XRCC4: variants seen among roughly 807,000 people sequenced by gnomAD.
XRCC4 encodes the protein X-ray repair cross complementing 4, also known as DNA repair protein XRCC4.
A neutral mutation model predicts 39.1 loss-of-function variants in XRCC4; 28 were observed. The observed-to-expected ratio is 0.72, with a 90% CI of 0.53 to 0.98. The LOEUF (loss-of-function observed/expected upper bound fraction) is 0.98, where lower values mean the gene tolerates loss of function less well. XRCC4 is among the 50% of genes least tolerant of loss of function. The probability of loss-of-function intolerance (pLI) is 0.00; values close to 1 mark genes in which losing one functional copy is unlikely to be tolerated. For synonymous variants in XRCC4, 123 were observed against 126.4 expected (o/e 0.97, Z 0.18); for missense variants, 350 against 376.4 (o/e 0.93, Z 0.58).
chr5:83,353,174 T>C lies in XRCC4; in HGVS notation c.937T>C (p.Ser313Pro). 1 of 1,612,638 alleles carries C rather than the reference T, an allele frequency of 6.2e-7. No homozygotes were observed. The highest frequency in any genetic ancestry group is 8.5e-7 in the Non-Finnish European group (1 of 1,179,224). Reference sequence around the variant, plus strand: ...TGAGACGTCTAAAAAGGAGCACATCTCAGCTGAAAACATGTCTTTAGAAAC... The same window carrying C: ...TGAGACGTCTAAAAAGGAGCACATCCCAGCTGAAAACATGTCTTTAGAAAC... ...LPETSKKEHI[S>P]AENMSLETLR... Residue 313 changes from serine (S) to proline (P), a missense_variant, in exon 8 of 8, where the codon TCA becomes CCA. Transcript: ENST00000396027.
downstream of XRCC4, among the ~76,000 whole-genome samples, chr5:83,355,475 T>C (rs192364120): frequency 6.6e-6 from 1 of 152,198 alleles, no homozygotes; most frequent in African/African-American, 2.4e-5. Flanking sequence ...GTTTATCACA[T>C]AGTAGGCACT....
At position 83,258,398 on chromosome 5, in the gene XRCC4, C is replaced by T; in HGVS notation, c.746-132C>T. ...TAACTGACTTGATTCAACAAATCTGCATAAAGATTTGAAAGAATAGTTTTG... is the reference window on the plus strand; with the variant it reads ...TAACTGACTTGATTCAACAAATCTGTATAAAGATTTGAAAGAATAGTTTTG... On this transcript the variant is annotated intron_variant, in intron 6 of 7. Transcript: ENST00000396027. 6 of 1,097,806 alleles carry T rather than the reference C, an allele frequency of 5.5e-6. No homozygotes were observed. The South Asian group carries it at 9.0e-5, about 16-fold the overall frequency. The allele number at this position is 1,097,806 out of a possible 1,614,324, so 68.0% of individuals were successfully genotyped here.
At chr5:83,105,178 TCA>T in intron 2 of XRCC4, 120 bp downstream of exon 2, 1 of 954,938 alleles carries the variant, frequency 1.0e-6, no homozygotes, top group Non-Finnish European at 1.5e-6. Flanking sequence ...GCTATTGCTG[TCA>T]AATTTATACA....
At chr5:83,189,783 G>A (rs1410061370) in intron 3 of XRCC4, among the ~76,000 whole-genome samples, 1 of 152,116 alleles carries the variant, frequency 6.6e-6, no homozygotes, top group Non-Finnish European at 1.5e-5. Flanking sequence ...AAACATTTCA[G>A]GCCAGACTCA....
intron 3 of XRCC4, among the ~76,000 whole-genome samples, chr5:83,153,506 C>T (rs555143925): frequency 5.9e-5 from 9 of 152,134 alleles, no homozygotes; most frequent in Non-Finnish European, 1.3e-4. Context: ...GTGCACAAGA[C>T]ATGAACAGCC....
chr5:83,320,019 A>G (rs1208085868), intron 7 of XRCC4, among the ~76,000 whole-genome samples: 1 of 150,892 alleles, frequency 6.6e-6, no homozygotes, highest in Non-Finnish European at 1.5e-5. Context: ...ATGGAATACT[A>G]TGCAGCCATA....
At chr5:83,240,046 C>T (rs1188752507) in intron 6 of XRCC4, among the ~76,000 whole-genome samples, 1 of 151,832 alleles carries the variant, frequency 6.6e-6, no homozygotes, top group African/African-American at 2.4e-5. Context: ...TGGTAGCATG[C>T]ACCTGTAGTA....
intron 3 of XRCC4, among the ~76,000 whole-genome samples, chr5:83,133,950 A>C (rs76848573): frequency 0.015 from 2,214 of 152,188 alleles, 62 homozygotes; most frequent in African/African-American, 0.051. Flanking sequence ...CAGTGTGAAG[A>C]GAGAGGCGCT....
intron 6 of XRCC4, among the ~76,000 whole-genome samples, chr5:83,224,268 C>A (rs1310245062): frequency 6.6e-6 from 1 of 151,526 alleles, no homozygotes; most frequent in Admixed American, 6.6e-5. Context: ...TTTTCTGTTT[C>A]TCTTTTGTAT....
intron 3 of XRCC4, among the ~76,000 whole-genome samples, chr5:83,190,387 C>G (rs895368801): frequency 6.6e-6 from 1 of 152,082 alleles, no homozygotes; most frequent in Admixed American, 6.5e-5. Flanking sequence ...ATACATATAT[C>G]TTGATACAGC....
chr5:83,145,306 T>C lies in XRCC4; in HGVS notation c.315+34103T>C, dbSNP rs1748400371. 3.9e-5 allele frequency among the ~76,000 whole-genome samples: 6 copies of C among 152,354 alleles called. No individual in the cohort carries two copies. The South Asian group carries it at 1.2e-3, about 32-fold the overall frequency. On this transcript the variant is annotated intron_variant, in intron 3 of 7. Coordinates refer to ENST00000396027, the MANE Select transcript of XRCC4 (RefSeq NM_003401.5). ...GTCAGTTTCCATTGACTGTGGCTTTTCTTCAGTGTGTTATTTCTCTACTTG... is the reference window on the plus strand; with the variant it reads ...GTCAGTTTCCATTGACTGTGGCTTTCCTTCAGTGTGTTATTTCTCTACTTG...
intron 7 of XRCC4, among the ~76,000 whole-genome samples, chr5:83,272,090 G>T (rs990611464): frequency 6.6e-6 from 1 of 152,098 alleles, no homozygotes; most frequent in African/African-American, 2.4e-5. Flanking sequence ...TTCACAGTAA[G>T]ACCTACAATT....
At chr5:83,271,629 T>A (rs1161692447) in intron 7 of XRCC4, among the ~76,000 whole-genome samples, 1 of 152,200 alleles carries the variant, frequency 6.6e-6, no homozygotes, top group African/African-American at 2.4e-5. Context: ...AGATAAATCT[T>A]CTACATTAAA....
chr5:83,116,021 A>C (rs1746692266), intron 3 of XRCC4, among the ~76,000 whole-genome samples: 1 of 152,202 alleles, frequency 6.6e-6, no homozygotes, highest in African/African-American at 2.4e-5. Flanking sequence ...GGAGTCTTCC[A>C]GTATTCAGGA....
chr5:83,365,999 T>A, the XRCC4 span, among the ~76,000 whole-genome samples: 1 of 152,182 alleles, frequency 6.6e-6, no homozygotes, highest in Non-Finnish European at 1.5e-5. Context: ...TTTCCCCTCC[T>A]TCAGCTTATG....
intron 7 of XRCC4, among the ~76,000 whole-genome samples, chr5:83,279,279 A>C (rs1395546652): frequency 6.6e-6 from 1 of 151,898 alleles, no homozygotes; most frequent in South Asian, 2.1e-4. Context: ...GCCAGAATAC[A>C]TAGGAGAAAG....
chr5:83,293,165 G>A (rs1754980032), intron 7 of XRCC4, among the ~76,000 whole-genome samples: 1 of 151,888 alleles, frequency 6.6e-6, no homozygotes, highest in African/African-American at 2.4e-5. Context: ...CTCTAGCTGT[G>A]AACCCTGTAG....
At chr5:83,137,974 G>A (rs1747980761) in intron 3 of XRCC4, among the ~76,000 whole-genome samples, 1 of 152,130 alleles carries the variant, frequency 6.6e-6, no homozygotes, top group Non-Finnish European at 1.5e-5. Flanking sequence ...ATCTAGGCCT[G>A]ACTCTTGAAT....
intron 1 of XRCC4, among the ~76,000 whole-genome samples, chr5:83,087,491 C>T (rs1745235689): frequency 2.0e-5 from 3 of 151,626 alleles, no homozygotes; most frequent in Admixed American, 1.3e-4. Flanking sequence ...AGTGAAACCC[C>T]ATCTCTACTA....
Sources: allele counts gnomAD v4.1 joint callset (sites outside exome capture counted in the v4.1 genomes callset), GRCh38; gene constraint gnomAD v4.1.1; transcripts MANE v1.5; gene names NCBI Gene and HGNC (gene_info 2026-07-23, HGNC 2026-07-21).